The following RALA variants were observed in gnomAD, a reference collection of about 807,000 sequenced individuals.
RALA encodes the protein ras-related protein Ral-A.
A neutral mutation model predicts 24.0 loss-of-function variants in RALA; 5 were observed. The observed-to-expected ratio is 0.21, with a 90% CI of 0.11 to 0.44. RALA has a LOEUF of 0.44. Ranked by LOEUF, RALA falls within the 20% of genes least tolerant of loss-of-function variation. The probability of loss-of-function intolerance (pLI) is 0.99; values close to 1 mark genes in which losing one functional copy is unlikely to be tolerated. For missense variants in RALA, 95 were observed against 241.2 expected, an observed-to-expected ratio of 0.39 and a Z score of 4.01; for synonymous variants, 77 against 83.8, an observed-to-expected ratio of 0.92 and a Z score of 0.44.
intron 1 of RALA, among the ~76,000 whole-genome samples, chr7:39,655,526 A>G (rs1014631297): frequency 6.6e-6 from 1 of 152,224 alleles, no homozygotes; most frequent in Non-Finnish European, 1.5e-5. Context: ...TCTAAAATTT[A>G]TATAGAATAA....
chr7:39,668,312 T>C (rs1285799134), intron 1 of RALA, among the ~76,000 whole-genome samples: 2 of 152,244 alleles, frequency 1.3e-5, no homozygotes, highest in African/African-American at 4.8e-5. Context: ...AGTCAATTTA[T>C]TAATTTTCCA....
chr7:39,687,049 T>C (rs1792717017), intron 2 of RALA, among the ~76,000 whole-genome samples: 1 of 152,184 alleles, frequency 6.6e-6, no homozygotes, highest in South Asian at 2.1e-4. Context: ...TTTTTGTTTT[T>C]AGGTTTTATT....
intron 4 of RALA, among the ~76,000 whole-genome samples, chr7:39,703,573 G>A (rs1793066423): frequency 6.6e-6 from 1 of 152,156 alleles, no homozygotes; most frequent in Admixed American, 6.5e-5. Flanking sequence ...CTCAGGTTCT[G>A]TTTAGGAGGA....
At chr7:39,701,561 C>T (rs554302169) in intron 4 of RALA, among the ~76,000 whole-genome samples, 1 of 152,308 alleles carries the variant, frequency 6.6e-6, no homozygotes, top group East Asian at 1.9e-4. Flanking sequence ...TCTCCCATTT[C>T]TTATGTCATC....
rs548170433 is a variant in RALA, at chr7:39,687,100, T to C, written c.114+319T>C. ...TAATTAATAGAAGTGGTGTGTATAA[T>C]ACTTAAGAGAGACTTGAGGTTAACA... On this transcript the variant is annotated intron_variant, in intron 2 of 4. Transcript: ENST00000005257. 2.3e-3 allele frequency among the ~76,000 whole-genome samples: 347 copies of C among 152,260 alleles called. 2 individuals carry two copies. The highest frequency in any genetic ancestry group is 3.4e-3 in the Non-Finnish European group (233 of 68,014).
chr7:39,692,640 G>A lies in RALA; in HGVS notation c.323+2050G>A, dbSNP rs370856118. ...TAAAAAAATAACATCTTCTCACCTCGGAACCCAGTAGGTCCAGGTTTTCTA... is the reference window on the plus strand; with the variant it reads ...TAAAAAAATAACATCTTCTCACCTCAGAACCCAGTAGGTCCAGGTTTTCTA... On this transcript the variant is annotated intron_variant, in intron 3 of 4. Coordinates refer to ENST00000005257, the MANE Select transcript of RALA (RefSeq NM_005402.4). Among the ~76,000 whole-genome samples, 33 of 152,180 alleles carry A rather than the reference G, an allele frequency of 2.2e-4. No homozygotes were observed. In the East Asian group the frequency reaches 5.6e-3, roughly 26 times the overall value.
chr7:39,662,507 T>A (rs1040235276), intron 1 of RALA, among the ~76,000 whole-genome samples: 1 of 152,192 alleles, frequency 6.6e-6, no homozygotes, highest in Non-Finnish European at 1.5e-5. Flanking sequence ...ATGCCCTAAA[T>A]CATCGCCCTC....
At position 39,706,424 on chromosome 7, in the gene RALA, G is replaced by T. The variant is rs544749823; in HGVS notation, c.*179G>T. The T allele has an allele frequency of 1.7e-5, 10 of 595,710 alleles. No individual in the cohort carries two copies. In the Admixed American group the frequency reaches 2.9e-4, roughly 18 times the overall value. 36.9% of individuals were successfully genotyped at this position (595,710 alleles called of 1,614,324 possible). A position where few individuals can be genotyped will look rare whatever the true frequency, so the allele number is the denominator to read the frequency against. On this transcript the variant is annotated 3_prime_UTR_variant, in exon 5 of 5. Transcript: ENST00000005257. Reference sequence around the variant, plus strand: ...ATTTACTTTAAAAAGAAATTAATATGGCTTCACCAAGAAGCAAAGTTCAAC... The same window carrying T: ...ATTTACTTTAAAAAGAAATTAATATTGCTTCACCAAGAAGCAAAGTTCAAC...
chr7:39,648,857 T>C (rs114025310), intron 1 of RALA, among the ~76,000 whole-genome samples: 2 of 152,006 alleles, frequency 1.3e-5, no homozygotes, highest in African/African-American at 4.8e-5. Flanking sequence ...CCCAAGAGTT[T>C]GAGACAGTAG....
chr7:39,658,726 C>T (rs1405337400), intron 1 of RALA, among the ~76,000 whole-genome samples: 1 of 151,578 alleles, frequency 6.6e-6, no homozygotes, highest in African/African-American at 2.4e-5. Flanking sequence ...GCGAATCTTC[C>T]CTCTAGGCTA....
intron 1 of RALA, among the ~76,000 whole-genome samples, chr7:39,638,380 T>C (rs941440416): frequency 1.3e-4 from 20 of 152,272 alleles, no homozygotes; most frequent in Middle Eastern, 3.2e-3. Flanking sequence ...GGTTTTTGTG[T>C]CTGGCTTCTT....
intron 1 of RALA, among the ~76,000 whole-genome samples, chr7:39,640,700 A>G (rs1360054935): frequency 1.3e-5 from 2 of 152,174 alleles, no homozygotes; most frequent in African/African-American, 2.4e-5. Context: ...TAATTCTTCC[A>G]TGTATCTATT....
intron 2 of RALA, 114 bp from the exon 3 acceptor site, chr7:39,690,268 G>A (rs1792792145): frequency 2.5e-6 from 2 of 807,208 alleles, no homozygotes; most frequent in African/African-American, 3.5e-5. Context: ...TGGGCAAAGG[G>A]TATACAGAAC....
intron 1 of RALA, among the ~76,000 whole-genome samples, chr7:39,679,276 C>T (rs191133488): frequency 6.6e-6 from 1 of 152,070 alleles, no homozygotes. Flanking sequence ...TTTAGGCTTG[C>T]AAGCCACATT....
intron 1 of RALA, among the ~76,000 whole-genome samples, chr7:39,645,202 CACTT>C (rs1354338466): frequency 5.9e-5 from 9 of 152,034 alleles, no homozygotes; most frequent in Non-Finnish European, 1.3e-4. Context: ...AAAGTATTAT[CACTT>C]ACATTAAAAT....
In RALA at chr7:39,706,843, T is replaced by A. The variant is rs1424080230; in HGVS notation, c.*598T>A. ...GTACATGGAATTTTTTGAATATGCC[T>A]TAATTTAGAAACTGAAAAATATCTG... On this transcript the variant is annotated 3_prime_UTR_variant, in exon 5 of 5. Coordinates refer to ENST00000005257, the MANE Select transcript of RALA (RefSeq NM_005402.4). 1.3e-5 allele frequency: 2 copies of A among 152,772 alleles called. No homozygotes were observed. 9.5% of individuals were successfully genotyped at this position (152,772 alleles called of 1,614,324 possible). A position where few individuals can be genotyped will look rare whatever the true frequency, so the allele number is the denominator to read the frequency against.
At chr7:39,698,554 A>G (rs77828352) in intron 4 of RALA, among the ~76,000 whole-genome samples, 13,813 of 152,244 alleles carry the variant, frequency 0.091, 677 homozygotes, top group African/African-American at 0.11. Flanking sequence ...TAATGAAAAT[A>G]TATGTTAAGA....
chr7:39,687,074 T>G (rs760640188), intron 2 of RALA, among the ~76,000 whole-genome samples: 2 of 152,152 alleles, frequency 1.3e-5, no homozygotes, highest in Non-Finnish European at 2.9e-5. Context: ...ATTCCTACCT[T>G]TAATTAATAG....
intron 1 of RALA, among the ~76,000 whole-genome samples, chr7:39,651,872 T>C (rs1046601394): frequency 5.9e-5 from 9 of 152,256 alleles, no homozygotes; most frequent in African/African-American, 2.2e-4. Context: ...TGGCTATCCA[T>C]AATTTTTTAC....
Sources: gnomAD v4.1 joint callset for allele counts (sites outside exome capture counted in the v4.1 genomes callset) on GRCh38, gnomAD v4.1.1 for gene constraint, MANE v1.5 for transcripts, NCBI Gene and HGNC (gene_info 2026-07-23, HGNC 2026-07-21) for gene names.